SLC16A10: variants seen among roughly 807,000 people sequenced by gnomAD.
The protein encoded by SLC16A10 is monocarboxylate transporter 10.
In SLC16A10, 27 loss-of-function variants were observed where a neutral mutation model predicts 40.0. That is an observed-to-expected ratio of 0.67 (90% CI 0.50 to 0.93). The LOEUF (loss-of-function observed/expected upper bound fraction) is 0.93, where lower values mean the gene tolerates loss of function less well. Ranked by LOEUF, SLC16A10 falls within the 40% of genes least tolerant of loss-of-function variation. The probability of loss-of-function intolerance (pLI) is 0.00; values close to 1 mark genes in which losing one functional copy is unlikely to be tolerated. For missense variants in SLC16A10, 529 were observed against 658.2 expected, an observed-to-expected ratio of 0.80 and a Z score of 2.15; for synonymous variants, 213 against 249.8, an observed-to-expected ratio of 0.85 and a Z score of 1.39.
chr6:111,180,854 G>A (rs188290765), intron 3 of SLC16A10, among the ~76,000 whole-genome samples: 202 of 152,274 alleles, frequency 1.3e-3, no homozygotes, highest in Middle Eastern at 6.8e-3. Context: ...AGGTCACAGA[G>A]ATAGTGACTG....
Position 111,218,806 on chromosome 6 carries a change from C to T in SLC16A10, c.1087-8C>T, listed in dbSNP as rs777511399. 26 of 1,612,324 alleles carry T rather than the reference C, an allele frequency of 1.6e-5. 1 individual carries two copies. The highest frequency in any genetic ancestry group is 1.1e-4 in the South Asian group (10 of 91,044). ...CGAGCGGAGCTGACCTTGTGGTGTC[C>T]GTCCTAGGTACTCTCCTTTTTCTTC... On this transcript the variant is annotated splice_region_variant and splice_polypyrimidine_tract_variant and intron_variant, in intron 4 of 5. Coordinates refer to ENST00000368851, the MANE Select transcript of SLC16A10 (RefSeq NM_018593.5).
At chr6:111,175,241 T>C (rs1395366543) in intron 2 of SLC16A10, among the ~76,000 whole-genome samples, 3 of 152,172 alleles carry the variant, frequency 2.0e-5, no homozygotes, top group Non-Finnish European at 4.4e-5. Flanking sequence ...TTGCACTTAT[T>C]TGGCTGCCAA....
intron 4 of SLC16A10, among the ~76,000 whole-genome samples, chr6:111,213,250 G>T (rs1773372592): frequency 6.6e-6 from 1 of 152,220 alleles, no homozygotes; most frequent in East Asian, 1.9e-4. Context: ...GCTCTGGAAG[G>T]ATGCAAACCG....
intron 4 of SLC16A10, among the ~76,000 whole-genome samples, chr6:111,210,933 G>C (rs1353061835): frequency 6.6e-6 from 1 of 151,722 alleles, no homozygotes; most frequent in African/African-American, 2.4e-5. Flanking sequence ...TGAGGCAGGA[G>C]AGTCGCTTGA....
At chr6:111,111,901 C>G (rs1238245294) in intron 1 of SLC16A10, among the ~76,000 whole-genome samples, 1 of 152,188 alleles carries the variant, frequency 6.6e-6, no homozygotes, top group Non-Finnish European at 1.5e-5. Context: ...TTTGTCATCT[C>G]TCTTCTATCC....
Position 111,230,106 on chromosome 6 carries a change from A to T in SLC16A10, c.*7871A>T, listed in dbSNP as rs1425114701. 6.9e-6 allele frequency: 1 copy of T among 143,990 alleles called. No individual in the cohort carries two copies. Among genetic ancestry groups the T allele is most frequent in the Non-Finnish European group, 1.5e-5 (1 of 67,454 alleles). 8.9% of individuals were successfully genotyped at this position (143,990 alleles called of 1,614,324 possible). ...CGGGCTCAAGTGATTCTCGTGCCTC[A>T]GTCTTCTGAGTAGCTGGGACTACAG... On this transcript the variant is annotated 3_prime_UTR_variant, in exon 6 of 6. Coordinates refer to ENST00000368851, the MANE Select transcript of SLC16A10 (RefSeq NM_018593.5).
intron 3 of SLC16A10, among the ~76,000 whole-genome samples, chr6:111,199,465 A>C (rs1464815537): frequency 1.3e-5 from 2 of 152,132 alleles, no homozygotes; most frequent in Non-Finnish European, 2.9e-5. Flanking sequence ...ATCTCAAAAA[A>C]AAAAAAAAAT....
chr6:111,172,942 A>AT, intron 2 of SLC16A10, 103 bp downstream of exon 2: 5 of 1,422,542 alleles, frequency 3.5e-6, no homozygotes, highest in Non-Finnish European at 4.8e-6. Flanking sequence ...CCTCCTTTTC[A>AT]TTTTTTAAAA....
Position 111,179,804 on chromosome 6 carries a change from G to A in SLC16A10, c.942+2139G>A, listed in dbSNP as rs144327783. 6.2e-4 allele frequency among the ~76,000 whole-genome samples: 95 copies of A among 152,220 alleles called. No homozygotes were observed. In the East Asian group the frequency reaches 0.016, roughly 26 times the overall value. The stretch of plus-strand genomic sequence containing the variant: ...TTTGAGATTTTCTCTTTCTCATAAC[G>A]GTGCCCGTTATCGCACCGAATGCAG... On this transcript the variant is annotated intron_variant, in intron 3 of 5. Transcript: ENST00000368851.
chr6:111,200,722 T>C (rs557595666), intron 3 of SLC16A10, among the ~76,000 whole-genome samples: 1 of 152,342 alleles, frequency 6.6e-6, no homozygotes, highest in South Asian at 2.1e-4. Context: ...CTTGCAGGCT[T>C]TCTACTCCCT....
chr6:111,114,297 A>G (rs1276203448), intron 1 of SLC16A10, among the ~76,000 whole-genome samples: 3 of 152,220 alleles, frequency 2.0e-5, no homozygotes, highest in Non-Finnish European at 4.4e-5. Context: ...AAAACATCAT[A>G]TCGAATGAAA....
At chr6:111,193,408 T>C in intron 3 of SLC16A10, 8 of 714,924 alleles carry the variant, frequency 1.1e-5, no homozygotes, top group Non-Finnish European at 1.2e-5. Context: ...AATAAGGATC[T>C]TTATTTATCT....
rs578077337 is a variant in SLC16A10 at position 111,175,072 on chromosome 6, G to T, written c.489-2140G>T. On this transcript the variant is annotated intron_variant, in intron 2 of 5. Transcript: ENST00000368851. The stretch of plus-strand genomic sequence containing the variant: ...CAGGAGCAAGGGGAAATGTGGTATA[G>T]ATTCTGAGTGTCAAGTGGCAGGTCC... Among the ~76,000 whole-genome samples, 13 of 152,334 alleles carry T rather than the reference G, an allele frequency of 8.5e-5. No individual in the cohort carries two copies. The East Asian group carries it at 2.5e-3, about 29-fold the overall frequency.
chr6:111,210,559 G>A (rs1773328806), intron 4 of SLC16A10, among the ~76,000 whole-genome samples: 1 of 152,180 alleles, frequency 6.6e-6, no homozygotes, highest in African/African-American at 2.4e-5. Context: ...GATGCTGTTA[G>A]GGTGATGCAA....
intron 1 of SLC16A10, among the ~76,000 whole-genome samples, chr6:111,123,814 C>T (rs2114478381): frequency 6.6e-6 from 1 of 152,196 alleles, no homozygotes; most frequent in Admixed American, 6.5e-5. Context: ...TAAATGCCCT[C>T]CTGAAGAAAG....
intron 1 of SLC16A10, among the ~76,000 whole-genome samples, chr6:111,141,215 A>G (rs1188537335): frequency 6.6e-6 from 1 of 152,218 alleles, no homozygotes; most frequent in Admixed American, 6.5e-5. Flanking sequence ...ATTCTAAAAA[A>G]TTAATTATTT....
chr6:111,100,984 C>A (rs866252850), intron 1 of SLC16A10, among the ~76,000 whole-genome samples: 367 of 103,098 alleles, frequency 3.6e-3, no homozygotes, highest in Non-Finnish European at 5.0e-3. Context: ...CTCTCTCTCT[C>A]TCTCTCTCTA....
chr6:111,217,536 A>AC lies in SLC16A10; in HGVS notation c.1087-1272dup, dbSNP rs562240216. On this transcript the variant is annotated intron_variant, in intron 4 of 5. Coordinates refer to ENST00000368851, the MANE Select transcript of SLC16A10 (RefSeq NM_018593.5). ...ATGATCTCGGCTCACTGCAAGCTCC[A>AC]CCCCCCGGATTCACGCCATTCTCCT... is the stretch of plus-strand genomic sequence containing the variant. Among the ~76,000 whole-genome samples the AC allele has an allele frequency of 2.0e-5, 3 of 151,550 alleles. 1 individual carries two copies. Among genetic ancestry groups the AC allele is most frequent in the African/African-American group, 7.3e-5 (3 of 41,286 alleles).
intron 1 of SLC16A10, among the ~76,000 whole-genome samples, chr6:111,155,091 C>G (rs1772244471): frequency 6.6e-6 from 1 of 150,566 alleles, no homozygotes; most frequent in East Asian, 2.0e-4. Flanking sequence ...CCAGGATGAT[C>G]TCATCTGGGT....
Sources: gnomAD v4.1 joint callset for allele counts (sites outside exome capture counted in the v4.1 genomes callset) on GRCh38, gnomAD v4.1.1 for gene constraint, MANE v1.5 for transcripts, NCBI Gene and HGNC (gene_info 2026-07-23, HGNC 2026-07-21) for gene names.